The following SEMA3A variants were observed in gnomAD, a reference collection of about 807,000 sequenced individuals.
The protein encoded by SEMA3A is semaphorin 3A.
In SEMA3A, 29 loss-of-function variants were observed where a neutral mutation model predicts 97.9. The ratio of observed to expected loss-of-function variants is 0.30; its 90% confidence interval spans 0.22 to 0.40. The LOEUF (loss-of-function observed/expected upper bound fraction) is 0.40. Ranked by LOEUF, SEMA3A falls within the 10% of genes least tolerant of loss-of-function variation. The probability of loss-of-function intolerance (pLI) is 1.00; values close to 1 mark genes in which losing one functional copy is unlikely to be tolerated. For missense variants in SEMA3A, 763 were observed against 951.3 expected (o/e 0.80, Z 2.60); for synonymous variants, 321 against 323.7 (o/e 0.99, Z 0.09).
At chr7:83,991,041 TG>T (rs1389981859) in intron 12 of SEMA3A, among the ~76,000 whole-genome samples, 2 of 150,754 alleles carry the variant, frequency 1.3e-5, no homozygotes, top group African/African-American at 4.9e-5. Context: ...TCACATCCCT[TG>T]TAAGTTGTAT....
intron 7 of SEMA3A, among the ~76,000 whole-genome samples, chr7:84,013,003 G>GA (rs1367106364): frequency 6.6e-6 from 1 of 151,920 alleles, no homozygotes; most frequent in Non-Finnish European, 1.5e-5. Context: ...TTCAAGTATT[G>GA]AAAACTTTTA....
intron 2 of SEMA3A, among the ~76,000 whole-genome samples, chr7:84,365,674 CTT>C (rs1180779646): frequency 6.6e-6 from 1 of 151,310 alleles, no homozygotes; most frequent in Non-Finnish European, 1.5e-5. Context: ...CATATTAACA[CTT>C]TTATATTCTT....
At position 84,014,241 on chromosome 7, in the gene SEMA3A, C is replaced by T. The variant is rs370385606; in HGVS notation, c.778G>A (p.Ala260Thr). 6.8e-6 allele frequency: 11 copies of T among 1,613,320 alleles called. No homozygotes were observed. The highest frequency in any genetic ancestry group is 9.3e-6 in the Non-Finnish European group (11 of 1,179,764). Residue 260 changes from alanine (A) to threonine (T), a missense_variant, in exon 7 of 17, where the codon GCT becomes ACT. Ala to Thr is a moderately conservative substitution (Grantham distance 58). Transcript: ENST00000265362. ...ATCTGACCTATTCTAGCGTGAGTAG[C>T]TTTTCCAGAGTGTTCTCCATCTATT... The part of the protein sequence containing the change: ...NAIDGEHSGK[A>T]THARIGQICK...
chr7:84,313,402 AT>A (rs1562898839), intron 2 of SEMA3A, among the ~76,000 whole-genome samples: 3,110 of 122,720 alleles, frequency 0.025, 262 homozygotes, highest in African/African-American at 0.089. Flanking sequence ...ATATATATAT[AT>A]ATAAACTATA....
At chr7:84,464,032 A>G (rs538404764) in intron 1 of SEMA3A, among the ~76,000 whole-genome samples, 18 of 152,314 alleles carry the variant, frequency 1.2e-4, no homozygotes, top group African/African-American at 4.3e-4. Context: ...TGTTACTCAT[A>G]CTTTGACATA....
chr7:84,353,353 T>C (rs1459498869), intron 2 of SEMA3A, among the ~76,000 whole-genome samples: 2 of 151,706 alleles, frequency 1.3e-5, no homozygotes, highest in Non-Finnish European at 3.0e-5. Context: ...TGTATACCCA[T>C]ACACACACAT....
chr7:84,020,531 T>G, intron 6 of SEMA3A, among the ~76,000 whole-genome samples: 1 of 152,114 alleles, frequency 6.6e-6, no homozygotes, highest in Admixed American at 6.5e-5. Context: ...TTTCTTAATT[T>G]TATAAGAAAT....
intron 3 of SEMA3A, among the ~76,000 whole-genome samples, chr7:84,208,625 G>T (rs1458625961): frequency 6.6e-6 from 1 of 152,088 alleles, no homozygotes; most frequent in Non-Finnish European, 1.5e-5. Flanking sequence ...CTTTTAAAAA[G>T]TATTTAATTA....
At chr7:84,127,642 T>G (rs1795839759) in intron 3 of SEMA3A, among the ~76,000 whole-genome samples, 1 of 152,228 alleles carries the variant, frequency 6.6e-6, no homozygotes, top group Non-Finnish European at 1.5e-5. Flanking sequence ...GGGGGATACC[T>G]GTGCTTTGTG....
chr7:84,178,490 A>G (rs1186805422), intron 1 of SEMA3A, among the ~76,000 whole-genome samples: 1 of 130,806 alleles, frequency 7.6e-6, no homozygotes, highest in Non-Finnish European at 1.6e-5. Flanking sequence ...TATCTTACAA[A>G]TAAATATTAA....
intron 1 of SEMA3A, among the ~76,000 whole-genome samples, chr7:84,180,691 T>A (rs71558711): frequency 0.063 from 9,645 of 152,018 alleles, 356 homozygotes; most frequent in African/African-American, 0.094. Flanking sequence ...TCATCTCAAA[T>A]AATAAAAAAT....
At chr7:83,985,858 A>G (rs189347661) in intron 12 of SEMA3A, among the ~76,000 whole-genome samples, 2 of 152,246 alleles carry the variant, frequency 1.3e-5, no homozygotes, top group African/African-American at 4.8e-5. Flanking sequence ...TCTACATTGG[A>G]TGTGGTCAAA....
chr7:84,461,310 C>T (rs1256520025), intron 1 of SEMA3A, among the ~76,000 whole-genome samples: 3 of 152,116 alleles, frequency 2.0e-5, no homozygotes, highest in African/African-American at 7.2e-5. Context: ...AATGAACGGC[C>T]TGCTGTGTCC....
At chr7:84,210,687 A>G (rs977702605) in intron 3 of SEMA3A, among the ~76,000 whole-genome samples, 4 of 152,146 alleles carry the variant, frequency 2.6e-5, no homozygotes, top group African/African-American at 9.7e-5. Context: ...TACTAGGAAC[A>G]AACATGGAAC....
chr7:84,194,419 T>G (rs1180124989), intron 1 of SEMA3A, 56 bp downstream of exon 1: 7 of 1,152,690 alleles, frequency 6.1e-6, no homozygotes, highest in South Asian at 3.8e-5. Flanking sequence ...TTCAAGGAAT[T>G]AAGGGGGGGG....
At chr7:84,181,414 AT>A (rs941664396) in intron 1 of SEMA3A, among the ~76,000 whole-genome samples, 9 of 151,386 alleles carry the variant, frequency 5.9e-5, no homozygotes, top group African/African-American at 9.7e-5. Context: ...AAAGAAGGGG[AT>A]TTTTTTAAAA....
intron 1 of SEMA3A, among the ~76,000 whole-genome samples, chr7:84,486,261 G>A (rs1201783229): frequency 6.6e-6 from 1 of 152,122 alleles, no homozygotes; most frequent in Non-Finnish European, 1.5e-5. Flanking sequence ...GGTGGCATGT[G>A]CCTGTAATCT....
intron 6 of SEMA3A, among the ~76,000 whole-genome samples, chr7:84,039,570 A>G (rs1254712301): frequency 6.6e-6 from 1 of 152,140 alleles, no homozygotes; most frequent in African/African-American, 2.4e-5. Context: ...AGAGTTTAAT[A>G]TTGGAGAGGT....
chr7:84,203,447 G>A (rs993675670), intron 3 of SEMA3A, among the ~76,000 whole-genome samples: 13 of 132,236 alleles, frequency 9.8e-5, no homozygotes, highest in Non-Finnish European at 1.7e-4. Flanking sequence ...AAAATATTAT[G>A]TTCAGAAATC....
Sources: allele counts gnomAD v4.1 joint callset (sites outside exome capture counted in the v4.1 genomes callset), GRCh38; gene constraint gnomAD v4.1.1; transcripts MANE v1.5; gene names NCBI Gene and HGNC (gene_info 2026-07-23, HGNC 2026-07-21).